Variants in FAM20C observed in about 807,000 individuals in gnomAD.
FAM20C encodes extracellular serine/threonine protein kinase FAM20C.
Under a neutral mutation model 51.5 loss-of-function variants are expected in FAM20C, and 40 were observed. The ratio of observed to expected loss-of-function variants is 0.78; its 90% confidence interval spans 0.60 to 1.01. The LOEUF is 1.01. Ranked by LOEUF, FAM20C falls within the 50% of genes least tolerant of loss-of-function variation. The pLI is 0.00. For synonymous variants in FAM20C, 406 were observed against 380.6 expected (o/e 1.07, Z -0.78); for missense variants, 861 against 844.7 (o/e 1.02, Z -0.24).
At chr7:200,700 AG>A (rs747715712) in intron 2 of FAM20C, among the ~76,000 whole-genome samples, 3 of 152,220 alleles carry the variant, frequency 2.0e-5, no homozygotes, top group Non-Finnish European at 2.9e-5. Flanking sequence ...AATAAATAAC[AG>A]TCTGGGGTGG....
intron 3 of FAM20C, among the ~76,000 whole-genome samples, chr7:211,914 G>GGC (rs758019576): frequency 2.5e-4 from 38 of 151,664 alleles, no homozygotes; most frequent in Non-Finnish European, 5.0e-4. Context: ...AAACCTCCCA[G>GGC]CTCGGTCCTC....
intron 3 of FAM20C, among the ~76,000 whole-genome samples, chr7:219,094 C>T (rs567404591): frequency 2.0e-5 from 3 of 151,830 alleles, no homozygotes; most frequent in Non-Finnish European, 4.4e-5. Flanking sequence ...GGGTCGTCAC[C>T]ATGGGTGGTG....
intron 2 of FAM20C, among the ~76,000 whole-genome samples, chr7:196,073 C>T (rs1345416795): frequency 3.3e-5 from 5 of 152,216 alleles, no homozygotes; most frequent in African/African-American, 9.6e-5. Context: ...GTATCTCTGG[C>T]GGCGGTGACC....
In FAM20C at chr7:220,502, CG is replaced by C. The variant is rs200715538; in HGVS notation, c.863+11529del. Among the ~76,000 whole-genome samples the C allele has an allele frequency of 5.4e-3, 825 of 152,298 alleles. 12 individuals are homozygous for C. The highest frequency in any genetic ancestry group is 0.018 in the African/African-American group (745 of 41,542). ...CTGAAACGAAGGAGCATGGCAGAGACGGGCTTGGTGAAGGGGGCGTTGTTCC... is the reference window on the plus strand; with the variant it reads ...CTGAAACGAAGGAGCATGGCAGAGACGGCTTGGTGAAGGGGGCGTTGTTCC... On this transcript the variant is annotated intron_variant, in intron 3 of 9. Transcript: ENST00000313766.
chr7:236,457 C>A (rs1432383830), intron 3 of FAM20C, among the ~76,000 whole-genome samples: 1 of 152,220 alleles, frequency 6.6e-6, no homozygotes, highest in Non-Finnish European at 1.5e-5. Context: ...CCTGCTGTCA[C>A]CAGTAGACCC....
At chr7:254,731 C>T (rs1392393708) in intron 5 of FAM20C, among the ~76,000 whole-genome samples, 11 of 152,194 alleles carry the variant, frequency 7.2e-5, no homozygotes, top group African/African-American at 2.4e-4. Context: ...CAAAAAGGAG[C>T]CCCGTACCAT....
At chr7:247,229 AG>A (rs1788202235) in intron 4 of FAM20C, among the ~76,000 whole-genome samples, 1 of 152,196 alleles carries the variant, frequency 6.6e-6, no homozygotes, top group African/African-American at 2.4e-5. Flanking sequence ...TGTGAGGGTC[AG>A]CTTGGCCCTG....
intron 3 of FAM20C, among the ~76,000 whole-genome samples, chr7:219,571 C>A (rs1053328947): frequency 1.3e-5 from 2 of 152,194 alleles, no homozygotes; most frequent in Admixed American, 6.5e-5. Flanking sequence ...GCTGTGCAGA[C>A]CCCTCCTGGG....
In FAM20C at chr7:260,062, A is replaced by T; in HGVS notation, c.*82A>T. On this transcript the variant is annotated 3_prime_UTR_variant, in exon 10 of 10. Coordinates refer to ENST00000313766, the MANE Select transcript of FAM20C (RefSeq NM_020223.4). ...AAGCGCATGCGCCCGTCGTGAATTC[A>T]GTGAATTCAGAGGCAGGACGGGATC... 5 of 1,422,076 alleles carry T rather than the reference A, an allele frequency of 3.5e-6. No homozygotes were observed. The highest frequency in any genetic ancestry group is 4.6e-6 in the Non-Finnish European group (5 of 1,086,400). The allele number at this position is 1,422,076 out of a possible 1,614,324, so 88.1% of individuals were successfully genotyped here. A position where few individuals can be genotyped will look rare whatever the true frequency, so the allele number is the denominator to read the frequency against.
At chr7:258,180 G>C (rs1562401561) in intron 8 of FAM20C, among the ~76,000 whole-genome samples, 2 of 115,870 alleles carry the variant, frequency 1.7e-5, no homozygotes, top group East Asian at 2.4e-4. Context: ...CCCACTGCCT[G>C]AGGTGCTGGA....
intron 3 of FAM20C, among the ~76,000 whole-genome samples, chr7:217,251 C>G (rs1341872228): frequency 3.3e-5 from 5 of 152,078 alleles, no homozygotes; most frequent in Non-Finnish European, 7.4e-5. Context: ...TGCGTGGGGC[C>G]TTCTGCGGGA....
At chr7:202,230 G>A (rs1036134380) in intron 2 of FAM20C, among the ~76,000 whole-genome samples, 42 of 152,198 alleles carry the variant, frequency 2.8e-4, no homozygotes, top group Non-Finnish European at 1.5e-4. Flanking sequence ...ACTGGGGAAT[G>A]GGGCTTGTGG....
At chr7:218,913 C>G (rs1208603546) in intron 3 of FAM20C, among the ~76,000 whole-genome samples, 1 of 151,966 alleles carries the variant, frequency 6.6e-6, no homozygotes, top group Non-Finnish European at 1.5e-5. Flanking sequence ...ACGCACAGAT[C>G]ACTCCCGTCC....
intron 3 of FAM20C, among the ~76,000 whole-genome samples, chr7:231,414 C>T (rs888618013): frequency 2.0e-5 from 3 of 148,340 alleles, no homozygotes; most frequent in African/African-American, 5.0e-5. Context: ...TCGAGGGCCG[C>T]GTGGGAGGAG....
intron 3 of FAM20C, among the ~76,000 whole-genome samples, chr7:213,403 T>C (rs1355943480): frequency 6.6e-6 from 1 of 152,252 alleles, no homozygotes; most frequent in Non-Finnish European, 1.5e-5. Context: ...CACTGCGTAG[T>C]CCTTTGTGAG....
intron 3 of FAM20C, among the ~76,000 whole-genome samples, chr7:237,562 C>T (rs1399157477): frequency 1.3e-5 from 2 of 151,162 alleles, no homozygotes; most frequent in African/African-American, 4.9e-5. Context: ...TGGTGATGAC[C>T]ATGGTAGGAG....
intron 3 of FAM20C, among the ~76,000 whole-genome samples, chr7:215,229 G>C (rs953729278): frequency 2.1e-3 from 42 of 19,620 alleles, no homozygotes; most frequent in Middle Eastern, 0.017. Context: ...GGCTCCAGCT[G>C]GGGGGGGGAG....
At chr7:226,984 A>C (rs114774732) in intron 3 of FAM20C, among the ~76,000 whole-genome samples, 1,616 of 152,084 alleles carry the variant, frequency 0.011, 25 homozygotes, top group African/African-American at 0.036. Context: ...CCAAGCCCAC[A>C]CTGGCACCCT....
intron 2 of FAM20C, among the ~76,000 whole-genome samples, chr7:206,502 C>T (rs1394540924): frequency 6.7e-6 from 1 of 150,180 alleles, no homozygotes; most frequent in Non-Finnish European, 1.5e-5. Flanking sequence ...CACACGTGTC[C>T]ACTGTGACGC....
Sources: allele counts gnomAD v4.1 joint callset (sites outside exome capture counted in the v4.1 genomes callset), GRCh38; gene constraint gnomAD v4.1.1; transcripts MANE v1.5; gene names NCBI Gene and HGNC (gene_info 2026-07-23, HGNC 2026-07-21).